Variants in UGT1A7 observed in about 807,000 individuals in gnomAD.
The protein encoded by UGT1A7 is UDP-glucuronosyltransferase 1A7.
In UGT1A7, 33 loss-of-function variants were observed where a neutral mutation model predicts 45.6. The ratio of observed to expected loss-of-function variants is 0.72; its 90% CI spans 0.55 to 0.97. The LOEUF (loss-of-function observed/expected upper bound fraction) is 0.97. Among genes scored for constraint, UGT1A7 ranks in the 50% least tolerant of loss-of-function variants. The probability of loss-of-function intolerance (pLI) is 0.00; values close to 1 mark genes in which losing one functional copy is unlikely to be tolerated. For missense variants in UGT1A7, 684 were observed against 666.2 expected (o/e 1.03, Z -0.29); for synonymous variants, 274 against 250.6 (o/e 1.09, Z -0.88).
chr2:233,734,820 G>A (rs1460443143), intron 1 of UGT1A7, among the ~76,000 whole-genome samples: 12 of 152,202 alleles, frequency 7.9e-5, no homozygotes, highest in Non-Finnish European at 1.3e-4. Context: ...GTAGTTGTGC[G>A]ATTTTGAGTG....
In UGT1A7 at chr2:233,743,533, T is replaced by C. The variant is rs755870649; in HGVS notation, c.856-23501T>C. 6.6e-6 allele frequency: 9 copies of C among 1,367,096 alleles called. No individual in the cohort carries two copies. The African/African-American group carries it at 1.0e-4, about 16-fold the overall frequency. The allele number at this position is 1,367,096 out of a possible 1,614,324, so 84.7% of individuals were successfully genotyped here. ...CGCTCTGCTTCTGCTTCCCCAGCAG[T>C]TCCTCTGACCCCCCCAAAATATTCT... On this transcript the variant is annotated intron_variant, in intron 1 of 4. Coordinates refer to ENST00000373426, the MANE Select transcript of UGT1A7 (RefSeq NM_019077.3).
At chr2:233,713,916 G>T in intron 1 of UGT1A7, 1 of 1,612,412 alleles carries the variant, frequency 6.2e-7, no homozygotes, top group Non-Finnish European at 8.5e-7. Context: ...TTTAAAAAAT[G>T]TATTTACTTA....
At chr2:233,718,910 G>A (rs760663679) in intron 1 of UGT1A7, 1 of 1,613,956 alleles carries the variant, frequency 6.2e-7, no homozygotes, top group Non-Finnish European at 8.5e-7. Context: ...AGAGTGGAAA[G>A]GTGTTGGTGG....
Position 233,722,378 on chromosome 2 carries a change from G to A in UGT1A7, c.855+39586G>A, listed in dbSNP as rs140434446. Among the ~76,000 whole-genome samples, 1,163 of 152,214 alleles carry A rather than the reference G, an allele frequency of 7.6e-3. 5 individuals are homozygous for A. The highest frequency in any genetic ancestry group is 8.8e-3 in the Non-Finnish European group (598 of 68,014). On this transcript the variant is annotated intron_variant, in intron 1 of 4. Coordinates refer to ENST00000373426, the MANE Select transcript of UGT1A7 (RefSeq NM_019077.3). ...TACAAGACTAAAGTTGAAATCTTACGTTTCTTCTCCCTCTCTTTCTCCTTG... is the reference window on the plus strand; with the variant it reads ...TACAAGACTAAAGTTGAAATCTTACATTTCTTCTCCCTCTCTTTCTCCTTG...
intron 1 of UGT1A7, among the ~76,000 whole-genome samples, chr2:233,710,127 C>A (rs1404227374): frequency 6.6e-6 from 1 of 152,186 alleles, no homozygotes; most frequent in Non-Finnish European, 1.5e-5. Flanking sequence ...TTCCGAGTAG[C>A]ATTTCATTGT....
intron 1 of UGT1A7, chr2:233,741,926 GCATAACCTGTGC>G: frequency 6.6e-6 from 1 of 151,948 alleles, no homozygotes; most frequent in Non-Finnish European, 1.5e-5. Context: ...TTCATTTGGG[GCATAACCTGTGC>G]CAACAGAAAG....
At chr2:233,718,650 G>C (rs762582073) in intron 1 of UGT1A7, 2 of 1,506,594 alleles carry the variant, frequency 1.3e-6, no homozygotes, top group Non-Finnish European at 1.8e-6. Context: ...GGCCCATAAC[G>C]AAAGGCAGTT....
At chr2:233,693,911 C>G in intron 1 of UGT1A7, 1 of 1,612,432 alleles carries the variant, frequency 6.2e-7, no homozygotes, top group South Asian at 1.1e-5. Flanking sequence ...CTTCCAGGCT[C>G]TGTCCTCCCT....
At chr2:233,693,982 G>T (rs2075192875) in intron 1 of UGT1A7, 9 of 1,554,596 alleles carry the variant, frequency 5.8e-6, no homozygotes, top group Non-Finnish European at 7.8e-6. Context: ...AACGGTGGGG[G>T]GAAGTGATAC....
At chr2:233,743,513 T>C (rs1354115874) in intron 1 of UGT1A7, 1 of 1,367,162 alleles carries the variant, frequency 7.3e-7, no homozygotes, top group South Asian at 1.1e-5. Flanking sequence ...GCAGACGCTC[T>C]GCTTCTGCTT....
At chr2:233,710,045 C>T (rs1309326393) in intron 1 of UGT1A7, among the ~76,000 whole-genome samples, 1 of 152,194 alleles carries the variant, frequency 6.6e-6, no homozygotes, top group Non-Finnish European at 1.5e-5. Context: ...TGTCTGGCCT[C>T]TTTGGCTCGG....
intron 1 of UGT1A7, chr2:233,729,817 T>C: frequency 4.3e-6 from 7 of 1,613,956 alleles, no homozygotes; most frequent in Non-Finnish European, 5.9e-6. Flanking sequence ...TTCTGCTCCT[T>C]ATGCAAGCCT....
chr2:233,772,331 C>T lies in UGT1A7; in HGVS notation c.1365C>T (p.Ala455=), dbSNP rs755348390. 16 of 1,614,018 alleles carry T rather than the reference C, an allele frequency of 9.9e-6. No homozygotes were observed. The highest frequency in any genetic ancestry group is 5.0e-5 in the Admixed American group (3 of 59,996). The change falls in exon 5 of 5, where the codon GCC becomes GCT. Residue 455 remains alanine (A), a synonymous_variant. Coordinates refer to ENST00000373426, the MANE Select transcript of UGT1A7 (RefSeq NM_019077.3). ...KDRPVEPLDL[A]VFWVEFVMRH... is the part of the protein sequence containing the mutation. ...GCCCGGTGGAGCCGCTGGACCTGGC[C>T]GTGTTCTGGGTGGAGTTTGTGATGA...
intron 1 of UGT1A7, among the ~76,000 whole-genome samples, chr2:233,745,573 G>T (rs1271557146): frequency 6.6e-6 from 1 of 151,620 alleles, no homozygotes; most frequent in African/African-American, 2.4e-5. Flanking sequence ...AGCCTCTAGT[G>T]ACATAACCTG....
At chr2:233,690,521 A>T (rs1361310143) in intron 1 of UGT1A7, 1 of 1,289,572 alleles carries the variant, frequency 7.8e-7, no homozygotes, top group Non-Finnish European at 1.0e-6. Flanking sequence ...TTATCTTAGG[A>T]TCTACTTCTT....
intron 1 of UGT1A7, among the ~76,000 whole-genome samples, chr2:233,762,246 C>T (rs569266202): frequency 2.4e-4 from 36 of 152,288 alleles, no homozygotes; most frequent in African/African-American, 8.2e-4. Flanking sequence ...ACAGAATAGG[C>T]ACCCACCGAA....
chr2:233,719,080 A>T (rs1329829423), intron 1 of UGT1A7: 1 of 1,614,142 alleles, frequency 6.2e-7, no homozygotes, highest in East Asian at 2.2e-5. Flanking sequence ...TGGACCCAGA[A>T]GGAATTTGAT....
chr2:233,772,363 A>G lies in UGT1A7; in HGVS notation c.1397A>G (p.Lys466Arg). 1 of 1,614,238 alleles carries G rather than the reference A, an allele frequency of 6.2e-7. No homozygotes were observed. Among genetic ancestry groups the G allele is most frequent in the Non-Finnish European group, 8.5e-7 (1 of 1,180,044 alleles). Residue 466 changes from lysine to arginine, a missense_variant, in exon 5 of 5, where the codon AAG (lysine) becomes AGG (arginine). By Grantham distance (26) the Lys-to-Arg change is conservative. Coordinates refer to ENST00000373426, the MANE Select transcript of UGT1A7 (RefSeq NM_019077.3). ...TGGGTGGAGTTTGTGATGAGGCACA[A>G]GGGCGCGCCACACCTGCGCCCCGCA... Reference protein sequence around the residue: ...VFWVEFVMRHKGAPHLRPAAH... With the variant: ...VFWVEFVMRHRGAPHLRPAAH...
intron 1 of UGT1A7, among the ~76,000 whole-genome samples, chr2:233,710,586 G>C (rs947455751): frequency 1.3e-5 from 2 of 152,000 alleles, no homozygotes; most frequent in Non-Finnish European, 2.9e-5. Flanking sequence ...AAAATCTTCC[G>C]CACACCTTTA....
Sources: allele counts gnomAD v4.1 joint callset (sites outside exome capture counted in the v4.1 genomes callset), GRCh38; gene constraint gnomAD v4.1.1; transcripts MANE v1.5; gene names NCBI Gene and HGNC (gene_info 2026-07-23, HGNC 2026-07-21).